Variants in STARD13 observed in about 807,000 individuals in gnomAD.
STARD13 encodes the protein StAR related lipid transfer domain containing 13, also known as stAR-related lipid transfer protein 13.
In STARD13, 62 loss-of-function variants were observed where a neutral mutation model predicts 106.4. The observed-to-expected ratio is 0.58, with a 90% CI of 0.48 to 0.72. The LOEUF is 0.72. STARD13 is among the 30% of genes least tolerant of loss of function. The pLI is 0.00. For missense variants in STARD13, 1,387 were observed against 1,424.0 expected (o/e 0.97, Z 0.42); for synonymous variants, 565 against 553.0 (o/e 1.02, Z -0.31).
intron 1 of STARD13, among the ~76,000 whole-genome samples, chr13:33,241,622 A>C (rs1354562179): frequency 1.3e-5 from 2 of 148,752 alleles, no homozygotes; most frequent in East Asian, 4.0e-4. Flanking sequence ...CGCCATCTCA[A>C]CTCACTGCAA....
At chr13:33,499,624 T>TC in the STARD13 span, among the ~76,000 whole-genome samples, 11 of 114,638 alleles carry the variant, frequency 9.6e-5, no homozygotes, top group South Asian at 2.7e-4. Context: ...TTCTTCTTCT[T>TC]CTTCTTCTTC....
chr13:33,530,794 T>TA, the STARD13 span, among the ~76,000 whole-genome samples: 3 of 152,234 alleles, frequency 2.0e-5, no homozygotes, highest in Non-Finnish European at 4.4e-5. Flanking sequence ...AGTGATATGT[T>TA]AATTCTTTTT....
chr13:33,554,741 G>A, the STARD13 span, among the ~76,000 whole-genome samples: 18 of 152,288 alleles, frequency 1.2e-4, no homozygotes, highest in Middle Eastern at 3.4e-3. Flanking sequence ...TTGGAAAAGT[G>A]AGGTCCAGAG....
the STARD13 span, among the ~76,000 whole-genome samples, chr13:33,673,349 G>A: frequency 1.9e-3 from 292 of 152,234 alleles, 2 homozygotes; most frequent in African/African-American, 6.6e-3. Context: ...TACATTTGTG[G>A]CCATCTGAGA....
chr13:33,655,982 A>G, the STARD13 span, among the ~76,000 whole-genome samples: 1 of 151,880 alleles, frequency 6.6e-6, no homozygotes, highest in Non-Finnish European at 1.5e-5. Context: ...CAATGCCACC[A>G]CTCTGGTCCA....
chr13:33,312,670 A>G (rs1893185784), intron 1 of STARD13, among the ~76,000 whole-genome samples: 1 of 152,220 alleles, frequency 6.6e-6, no homozygotes, highest in Admixed American at 6.5e-5. Flanking sequence ...TAAATGAGTC[A>G]GTGTAGATGG....
chr13:33,306,720 T>A (rs1310861318), intron 1 of STARD13, among the ~76,000 whole-genome samples: 4 of 152,110 alleles, frequency 2.6e-5, no homozygotes, highest in African/African-American at 9.7e-5. Flanking sequence ...GAGGCCAAGG[T>A]GGGCGGATCT....
Position 33,167,615 on chromosome 13 carries a change from C to T in STARD13, c.177G>A (p.Glu59=). Residue 59 remains glutamate (E), a synonymous_variant, in exon 2 of 14, where the codon GAG becomes GAA. Transcript: ENST00000336934. ...QLVTKIQQEI[E]AKEACDWLRA... The stretch of plus-strand genomic sequence containing the variant: ...GGAGCCAGTCACATGCTTCTTTTGC[C>T]TCAATTTCTGAAAAACACAAGAGAG... 1.2e-6 allele frequency: 2 copies of T among 1,614,090 alleles called. No homozygotes were observed. The highest frequency in any genetic ancestry group is 1.7e-6 in the Non-Finnish European group (2 of 1,179,990).
chr13:33,532,600 T>C, the STARD13 span, among the ~76,000 whole-genome samples: 1 of 152,194 alleles, frequency 6.6e-6, no homozygotes, highest in South Asian at 2.1e-4. Context: ...AAACATTCTG[T>C]TTATTTTTGT....
chr13:33,158,623 C>T (rs1337270379), intron 3 of STARD13: 1 of 152,218 alleles, frequency 6.6e-6, no homozygotes, highest in Non-Finnish European at 1.5e-5. Context: ...CTTTGGTGCA[C>T]AAGGAAGAAA....
chr13:33,358,305 G>A, the STARD13 span, among the ~76,000 whole-genome samples: 1 of 152,220 alleles, frequency 6.6e-6, no homozygotes, highest in Non-Finnish European at 1.5e-5. Flanking sequence ...TCCCCGAGGA[G>A]CACCACCCCC....
intron 1 of STARD13, among the ~76,000 whole-genome samples, chr13:33,182,602 A>G (rs577953793): frequency 1.2e-4 from 18 of 152,180 alleles, no homozygotes; most frequent in Admixed American, 4.6e-4. Context: ...TAAAAAAAAA[A>G]TTACAAAAAA....
the STARD13 span, among the ~76,000 whole-genome samples, chr13:33,604,826 A>T: frequency 6.6e-6 from 1 of 152,082 alleles, no homozygotes; most frequent in Non-Finnish European, 1.5e-5. Context: ...ATGCTAAAAG[A>T]AAATGTCTAA....
chr13:33,295,137 C>A (rs1262826944), intron 1 of STARD13, among the ~76,000 whole-genome samples: 1 of 152,140 alleles, frequency 6.6e-6, no homozygotes, highest in African/African-American at 2.4e-5. Context: ...ATAAATCCAG[C>A]CCAGTATACC....
intron 2 of STARD13, among the ~76,000 whole-genome samples, 168 bp from the exon 3 acceptor site, chr13:33,165,586 C>T (rs557060426): frequency 6.6e-5 from 10 of 152,262 alleles, no homozygotes; most frequent in Admixed American, 2.6e-4. Context: ...ACTGTAAATG[C>T]TTTTAGGAGT....
At chr13:33,111,536 G>A (rs1311116477) in intron 10 of STARD13, among the ~76,000 whole-genome samples, 1 of 152,204 alleles carries the variant, frequency 6.6e-6, no homozygotes, top group Non-Finnish European at 1.5e-5. Context: ...CCTGATAATG[G>A]CAGGTGATGC....
At chr13:33,520,886 T>C in the STARD13 span, among the ~76,000 whole-genome samples, 1 of 152,132 alleles carries the variant, frequency 6.6e-6, no homozygotes, top group South Asian at 2.1e-4. Flanking sequence ...CAGGCTCATC[T>C]GTCAAATCTC....
intron 1 of STARD13, among the ~76,000 whole-genome samples, chr13:33,314,631 T>C (rs1339523832): frequency 6.6e-6 from 1 of 152,196 alleles, no homozygotes. Flanking sequence ...AATGTCTCAT[T>C]TAATTCTTAT....
chr13:33,132,342 A>T (rs917504349), intron 4 of STARD13, among the ~76,000 whole-genome samples: 1 of 152,144 alleles, frequency 6.6e-6, no homozygotes, highest in Non-Finnish European at 1.5e-5. Context: ...GTTCCCCCAT[A>T]CTGTTCTTGT....
Sources: allele counts gnomAD v4.1 joint callset (sites outside exome capture counted in the v4.1 genomes callset), GRCh38; gene constraint gnomAD v4.1.1; transcripts MANE v1.5; gene names NCBI Gene and HGNC (gene_info 2026-07-23, HGNC 2026-07-21).